Variants in MMP7 observed in about 807,000 individuals in gnomAD.
The protein encoded by MMP7 is matrix metallopeptidase 7, also known as matrilysin.
Under a neutral mutation model 31.5 loss-of-function variants are expected in MMP7, and 26 were observed. That is an observed-to-expected ratio of 0.83 (90% confidence interval 0.61 to 1.15). The LOEUF (loss-of-function observed/expected upper bound fraction) is 1.15. MMP7 is among the 50% of genes most tolerant of loss of function. The pLI is 0.00. For missense variants in MMP7, 367 were observed against 326.5 expected, an observed-to-expected ratio of 1.12 and a Z score of -0.96; for synonymous variants, 142 against 124.2, an observed-to-expected ratio of 1.14 and a Z score of -0.95.
At chr11:102,525,402 A>G (rs746077468) in intron 3 of MMP7, among the ~76,000 whole-genome samples, 3 of 151,786 alleles carry the variant, frequency 2.0e-5, no homozygotes, top group Non-Finnish European at 4.4e-5. Context: ...AGATCGCGCC[A>G]CTGCACTCCA....
At chr11:102,521,513 C>T (rs1203075422) in intron 5 of MMP7, among the ~76,000 whole-genome samples, 1 of 152,162 alleles carries the variant, frequency 6.6e-6, no homozygotes, top group Non-Finnish European at 1.5e-5. Flanking sequence ...TTTTATCATT[C>T]TGAGTATAGC....
intron 1 of MMP7, 122 bp from the exon 2 acceptor site, chr11:102,528,105 T>C: frequency 1.4e-6 from 1 of 728,024 alleles, no homozygotes; most frequent in East Asian, 2.7e-5. Flanking sequence ...GACAGAATAA[T>C]TACATAGTCA....
At chr11:102,520,873 A>G in intron 5 of MMP7, 69 bp from the exon 6 acceptor site, 1 of 1,015,802 alleles carries the variant, frequency 9.8e-7, no homozygotes, top group Middle Eastern at 2.5e-4. Context: ...AAGATTATAC[A>G]GGCAAAGGAA....
chr11:102,526,552 A>C (rs563571002), intron 3 of MMP7, among the ~76,000 whole-genome samples: 72 of 152,164 alleles, frequency 4.7e-4, no homozygotes, highest in Non-Finnish European at 9.0e-4. Flanking sequence ...ATATATTTTT[A>C]AGTTCTTTAA....
intron 5 of MMP7, 127 bp downstream of exon 5, chr11:102,523,113 C>G (rs1858631072): frequency 1.6e-6 from 1 of 636,702 alleles, no homozygotes; most frequent in Admixed American, 3.0e-5. Context: ...TTCCTCCCCT[C>G]AATAGGCTTT....
At chr11:102,523,654 A>G (rs914004608) in intron 4 of MMP7, among the ~76,000 whole-genome samples, 1 of 152,030 alleles carries the variant, frequency 6.6e-6, no homozygotes, top group Non-Finnish European at 1.5e-5. Flanking sequence ...TGCTTCTTTC[A>G]TTCAGGCAGC....
In MMP7 at chr11:102,520,823, A is replaced by AT. The variant is rs771596490; in HGVS notation, c.776-20_776-19insA. ...CTCTTTCCTATTGAGAGAAAAAAAA[A>AT]GAACATTCTGATATGTAGAAAATGC... On this transcript the variant is annotated intron_variant, in intron 5 of 5. Coordinates refer to ENST00000260227, the MANE Select transcript of MMP7 (RefSeq NM_002423.5). The AT allele has an allele frequency of 2.9e-5, 44 of 1,516,338 alleles. No homozygotes were observed. Among genetic ancestry groups the AT allele is most frequent in the Non-Finnish European group, 4.0e-5 (44 of 1,109,678 alleles). 93.9% of individuals were successfully genotyped at this position (1,516,338 alleles called of 1,614,324 possible).
intron 3 of MMP7, among the ~76,000 whole-genome samples, chr11:102,526,240 ATT>A (rs762318650): frequency 7.7e-4 from 101 of 131,460 alleles, no homozygotes; most frequent in African/African-American, 1.7e-3. Flanking sequence ...ATATATATAT[ATT>A]TTTTTTTTTT....
At chr11:102,523,748 A>G (rs1411464126) in intron 4 of MMP7, among the ~76,000 whole-genome samples, 1 of 152,194 alleles carries the variant, frequency 6.6e-6, no homozygotes, top group East Asian at 1.9e-4. Flanking sequence ...TAGCTGGACA[A>G]CTCTGGACAG....
chr11:102,524,872 T>A, intron 4 of MMP7, 64 bp downstream of exon 4: 9 of 1,540,540 alleles, frequency 5.8e-6, no homozygotes, highest in Non-Finnish European at 7.9e-6. Context: ...TATAATTATT[T>A]AACTTAGTGT....
At chr11:102,526,214 T>TA (rs10565156) in intron 3 of MMP7, among the ~76,000 whole-genome samples, 1,686 of 123,954 alleles carry the variant, frequency 0.014, 20 homozygotes, top group African/African-American at 0.03. Context: ...AAAACCCACG[T>TA]AAAAAAAAAA....
chr11:102,522,225 T>C (rs1858620879), intron 5 of MMP7, among the ~76,000 whole-genome samples: 1 of 152,248 alleles, frequency 6.6e-6, no homozygotes, highest in Non-Finnish European at 1.5e-5. Context: ...TAGGTTGAAC[T>C]GATATCTTAA....
At chr11:102,521,405 C>T (rs1201036212) in intron 5 of MMP7, among the ~76,000 whole-genome samples, 1 of 152,108 alleles carries the variant, frequency 6.6e-6, no homozygotes, top group Non-Finnish European at 1.5e-5. Flanking sequence ...ACCATGTTGT[C>T]CAGGTCTCGA....
At chr11:102,527,713 C>A (rs569187897) in intron 2 of MMP7, 41 bp from the exon 3 acceptor site, 1 of 1,613,400 alleles carries the variant, frequency 6.2e-7, no homozygotes, top group Admixed American at 1.7e-5. Flanking sequence ...CCCTAGGAAA[C>A]AGGCTTTATT....
intron 3 of MMP7, among the ~76,000 whole-genome samples, chr11:102,525,741 T>C (rs1197580145): frequency 6.6e-6 from 1 of 150,690 alleles, no homozygotes; most frequent in African/African-American, 2.4e-5. Context: ...ATTTGGCAAG[T>C]AATTTGTGCA....
chr11:102,520,981 T>G (rs1406473285), intron 5 of MMP7, among the ~76,000 whole-genome samples, 177 bp from the exon 6 acceptor site: 1 of 152,202 alleles, frequency 6.6e-6, no homozygotes, highest in Non-Finnish European at 1.5e-5. Context: ...GAAGGCAGGA[T>G]TGACTGGAGT....
chr11:102,521,473 C>T (rs1381125304), intron 5 of MMP7, among the ~76,000 whole-genome samples: 4 of 152,194 alleles, frequency 2.6e-5, no homozygotes, highest in African/African-American at 9.6e-5. Context: ...TGGGTAAAGG[C>T]GTGAGCCACC....
At chr11:102,521,189 A>C (rs1858609131) in intron 5 of MMP7, among the ~76,000 whole-genome samples, 1 of 152,116 alleles carries the variant, frequency 6.6e-6, no homozygotes, top group Non-Finnish European at 1.5e-5. Flanking sequence ...TACTCAATGC[A>C]TGTTAGCTAT....
chr11:102,527,086 T>G (rs1173150729), intron 3 of MMP7: 1 of 185,814 alleles, frequency 5.4e-6, no homozygotes, highest in African/African-American at 2.4e-5. Context: ...ATTCCCATTG[T>G]TAAGCAGTGC....
Sources: allele counts gnomAD v4.1 joint callset (sites outside exome capture counted in the v4.1 genomes callset), GRCh38; gene constraint gnomAD v4.1.1; transcripts MANE v1.5; gene names NCBI Gene and HGNC (gene_info 2026-07-23, HGNC 2026-07-21).